ULK1: variants seen among roughly 807,000 people sequenced by gnomAD.
The protein encoded by ULK1 is unc-51 like autophagy activating kinase 1.
A neutral mutation model predicts 117.5 loss-of-function variants in ULK1; 48 were observed. The observed-to-expected ratio is 0.41, with a 90% CI of 0.32 to 0.52. The LOEUF (loss-of-function observed/expected upper bound fraction) is 0.52, where lower values mean the gene tolerates loss of function less well. Ranked by LOEUF, ULK1 falls within the 20% of genes least tolerant of loss-of-function variation. ULK1 has a pLI of 0.29. For missense variants in ULK1, 1,387 were observed against 1,473.4 expected (o/e 0.94, Z 0.96); for synonymous variants, 790 against 637.8 (o/e 1.24, Z -3.60).
At position 131,894,848 on chromosome 12, in the gene ULK1, C is replaced by G. The variant is rs1399550623; in HGVS notation, c.-154C>G. 6.0e-6 allele frequency: 1 copy of G among 167,276 alleles called. No individual in the cohort carries two copies. The allele number at this position is 167,276 out of a possible 1,614,324, so 10.4% of individuals were successfully genotyped here. A position where few individuals can be genotyped will look rare whatever the true frequency, so the allele number is the denominator to read the frequency against. ...GGCTGGGACCCGGCCCCGGCCTGCC[C>G]GATGGGGCGCGCGGCCCCGGAGATG... On this transcript the variant is annotated 5_prime_UTR_variant, in exon 1 of 28. Transcript: ENST00000321867.
chr12:131,916,855 C>G, intron 20 of ULK1, 98 bp from the exon 21 acceptor site: 1 of 1,167,854 alleles, frequency 8.6e-7, no homozygotes, highest in Non-Finnish European at 1.2e-6. Context: ...GGCCAGGAGA[C>G]CGTGCATCAT....
At chr12:131,908,284 T>A (rs1889361313) in intron 5 of ULK1, among the ~76,000 whole-genome samples, 1 of 151,798 alleles carries the variant, frequency 6.6e-6, no homozygotes, top group African/African-American at 2.4e-5. Context: ...GGGCTGCGGG[T>A]CGGGTCGGGC....
At chr12:131,917,128 A>AGGCTGTGGGATGGGGCTCGGG (rs1889849498) in intron 21 of ULK1, 66 bp downstream of exon 21, 1 of 874,230 alleles carries the variant, frequency 1.1e-6, no homozygotes, top group Non-Finnish European at 1.4e-6. Context: ...TGGGGGTCGG[A>AGGCTGTGGGATGGGGCTCGGG]GGCTGTGGGA....
In ULK1 at chr12:131,920,005, A is replaced by C; in HGVS notation, c.2830A>C (p.Lys944Gln). The change falls in exon 26 of 28, where the codon AAG becomes CAG. Residue 944 changes from lysine to glutamine, a missense_variant. Lys to Gln is a moderately conservative substitution (Grantham distance 53). Coordinates refer to ENST00000321867, the MANE Select transcript of ULK1 (RefSeq NM_003565.4). ...GGTGCGCAGGCTGAATGAGCTGTAC[A>C]AGGCCAGCGTGGTGTCCTGCCAGGG... ...QVVRRLNELY[K>Q]ASVVSCQGLS... is the part of the protein sequence containing the mutation. The C allele has an allele frequency of 6.2e-7, 1 of 1,612,816 alleles. No individual in the cohort carries two copies. The highest frequency in any genetic ancestry group is 8.5e-7 in the Non-Finnish European group (1 of 1,179,930).
intron 13 of ULK1, among the ~76,000 whole-genome samples, chr12:131,912,475 C>A (rs529891883): frequency 1.7e-4 from 26 of 152,348 alleles, no homozygotes; most frequent in African/African-American, 6.3e-4. Flanking sequence ...GGGGAACCCC[C>A]CGCTCCATAA....
In ULK1 at chr12:131,917,458, G is replaced by A. The variant is rs1463665281; in HGVS notation, c.2230G>A (p.Gly744Arg). The change falls in exon 22 of 28, where the codon GGG becomes AGG. Residue 744 changes from glycine to arginine, a missense_variant. Gly to Arg is a moderately radical substitution (Grantham distance 125). This residue lies in a region of ULK1 where 900 missense variants were observed against 858.9 expected (regional missense o/e 1.05). Coordinates refer to ENST00000321867, the MANE Select transcript of ULK1 (RefSeq NM_003565.4). ...GGSLHPGARA[G>R]GTSSPSPVVF... ...GAGCCTGCACCCAGGAGCCCGTGCT[G>A]GGGGCACCAGCAGCCCTTCCCCGGT... 2 of 1,531,566 alleles carry A rather than the reference G, an allele frequency of 1.3e-6. No individual in the cohort carries two copies. Among genetic ancestry groups the A allele is most frequent in the Admixed American group, 2.0e-5 (1 of 49,294 alleles). The allele number at this position is 1,531,566 out of a possible 1,614,324, so 94.9% of individuals were successfully genotyped here.
rs758703423 is a variant in ULK1, at chr12:131,909,181, C to T, written c.610C>T (p.Leu204=). The stretch of plus-strand genomic sequence containing the variant: ...CCAGCACTACGACGGGAAGGCGGAC[C>T]TGTGGAGCATCGGCACCATCGTCTA... ...MSQHYDGKAD[L]WSIGTIVYQC... is the part of the protein sequence containing the mutation. The change falls in exon 8 of 28, where the codon CTG becomes TTG. Residue 204 remains leucine, a synonymous_variant. Transcript: ENST00000321867. The T allele has an allele frequency of 1.4e-5, 22 of 1,610,296 alleles. No homozygotes were observed. The South Asian group carries it at 2.1e-4, about 15-fold the overall frequency.
intron 14 of ULK1, 66 bp downstream of exon 14, chr12:131,913,324 G>C: frequency 6.9e-7 from 1 of 1,443,056 alleles, no homozygotes; most frequent in Non-Finnish European, 9.2e-7. Flanking sequence ...AGTGGCCCGT[G>C]TTATTTACAA....
In ULK1 at chr12:131,920,124, C is replaced by T. The variant is rs753406496; in HGVS notation, c.2949C>T (p.His983=). Residue 983 remains histidine, a synonymous_variant, in exon 26 of 28, where the codon CAC becomes CAT. Transcript: ENST00000321867. ...SITAERLIFS[H]AVQMVQSAAL... is the part of the protein sequence containing the mutation. ...CTGCCGAGAGGCTCATCTTCAGCCA[C>T]GCTGTGCAGATGGTACGGGACAGAC... The T allele has an allele frequency of 2.4e-5, 39 of 1,612,642 alleles. 1 individual carries two copies. The highest frequency in any genetic ancestry group is 1.6e-4 in the Middle Eastern group (1 of 6,080).
chr12:131,911,835 C>T (rs1293495232), intron 12 of ULK1, 107 bp from the exon 13 acceptor site: 47 of 1,488,054 alleles, frequency 3.2e-5, no homozygotes, highest in Admixed American at 4.0e-5. Context: ...TCAGCCCCAG[C>T]GCCCCGATCT....
At position 131,911,972 on chromosome 12, in the gene ULK1, A is replaced by T. The variant is rs201179886; in HGVS notation, c.979A>T (p.Thr327Ser). Reference sequence around the variant, plus strand: ...GGGCGAGATGCAGCAGCTGCAGAAGACCCTGGCCTCCCCGGCTGACACCGC... The same window carrying T: ...GGGCGAGATGCAGCAGCTGCAGAAGTCCCTGGCCTCCCCGGCTGACACCGC... ...SLGEMQQLQK[T>S]LASPADTAGF... Residue 327 changes from threonine (T) to serine (S), a missense_variant, in exon 13 of 28, where the codon ACC becomes TCC. Physicochemically the swap from Thr to Ser is moderately conservative, Grantham distance 58. Around this residue, in one of 4 missense-constraint regions of ULK1, gnomAD observed 260 missense variants for 271.6 expected, o/e 0.96. Coordinates refer to ENST00000321867, the MANE Select transcript of ULK1 (RefSeq NM_003565.4). 2.0e-5 allele frequency: 32 copies of T among 1,612,636 alleles called. No homozygotes were observed. The East Asian group carries it at 6.9e-4, about 35-fold the overall frequency.
intron 8 of ULK1, 43 bp downstream of exon 8, chr12:131,909,280 C>T: frequency 6.6e-7 from 1 of 1,517,630 alleles, no homozygotes; most frequent in East Asian, 2.5e-5. Context: ...ACCGTCAGTG[C>T]AAGTGTCCGC....
Position 131,913,064 on chromosome 12 carries a change from C to CGGGG in ULK1, c.1097-133_1097-132insGGGG, listed in dbSNP as rs1301457529. 9 of 793,458 alleles carry CGGGG rather than the reference C, an allele frequency of 1.1e-5. No individual in the cohort carries two copies. The Admixed American group carries it at 2.0e-4, about 18-fold the overall frequency. 49.2% of individuals were successfully genotyped at this position (793,458 alleles called of 1,614,324 possible). A position where few individuals can be genotyped will look rare whatever the true frequency, so the allele number is the denominator to read the frequency against. ...ACTGTACCACCCAGGCTCTGCCCCCCGCAAGGCCGCTGTACGAGCTGAGGC... is the reference window on the plus strand; with the variant it reads ...ACTGTACCACCCAGGCTCTGCCCCCCGGGGGCAAGGCCGCTGTACGAGCTGAGGC... On this transcript the variant is annotated intron_variant, in intron 13 of 27. Coordinates refer to ENST00000321867, the MANE Select transcript of ULK1 (RefSeq NM_003565.4).
chr12:131,914,963 G>A (rs1294088234), intron 16 of ULK1, 120 bp from the exon 17 acceptor site: 3 of 1,412,276 alleles, frequency 2.1e-6, no homozygotes, highest in Non-Finnish European at 1.9e-6. Flanking sequence ...GGCGTGGCAT[G>A]GGGTCCTGGG....
intron 8 of ULK1, 105 bp downstream of exon 8, chr12:131,909,342 C>T (rs1039269190): frequency 1.0e-5 from 13 of 1,294,372 alleles, no homozygotes; most frequent in Non-Finnish European, 1.2e-5. Context: ...CACGAGCTCC[C>T]CTCGGGTCCT....
intron 8 of ULK1, 144 bp downstream of exon 8, chr12:131,909,381 A>G: frequency 1.0e-6 from 1 of 969,920 alleles, no homozygotes; most frequent in Non-Finnish European, 1.5e-6. Flanking sequence ...CCAGGGGTCC[A>G]GTGGGGAAGG....
rs764071519 is a variant in ULK1, at chr12:131,895,655, T to C, written c.166T>C (p.Ser56Pro). The change falls in exon 2 of 28, where the codon TCT becomes CCT. Residue 56 changes from serine to proline, a missense_variant. Physicochemically the swap from Ser to Pro is moderately conservative, Grantham distance 74. Around this residue, in one of 4 missense-constraint regions of ULK1, gnomAD observed 224 missense variants for 325.2 expected, o/e 0.69. Coordinates refer to ENST00000321867, the MANE Select transcript of ULK1 (RefSeq NM_003565.4). ...CATTAACAAGAAGAACCTCGCCAAG[T>C]CTCAGACGCTGCTGGGGAAGGAAAT... ...KCINKKNLAK[S>P]QTLLGKEIKI... The C allele has an allele frequency of 5.0e-6, 8 of 1,614,022 alleles. No individual in the cohort carries two copies. The highest frequency in any genetic ancestry group is 6.8e-6 in the Non-Finnish European group (8 of 1,179,974).
intron 3 of ULK1, among the ~76,000 whole-genome samples, chr12:131,900,883 C>T (rs1889057907): frequency 6.6e-6 from 1 of 152,140 alleles, no homozygotes; most frequent in East Asian, 1.9e-4. Flanking sequence ...CCAGGCCTGG[C>T]CTGGTCTGGC....
At position 131,909,947 on chromosome 12, in the gene ULK1, C is replaced by G; in HGVS notation, c.754C>G (p.Arg252Gly). 6.2e-7 allele frequency: 1 copy of G among 1,611,980 alleles called. No individual in the cohort carries two copies. The highest frequency in any genetic ancestry group is 1.1e-5 in the South Asian group (1 of 91,076). Residue 252 changes from arginine to glycine, a missense_variant, in exon 10 of 28, where the codon CGG (arginine) becomes GGG (glycine). Transcript: ENST00000321867. ...TIPRETSAPL[R>G]QLLLALLQRN... The stretch of plus-strand genomic sequence containing the variant: ...CCCCCGGGAGACCTCGGCCCCGCTG[C>G]GGCAGCTGCTCCTGGCCCTACTGCA...
Sources: allele counts gnomAD v4.1 joint callset (sites outside exome capture counted in the v4.1 genomes callset), GRCh38; gene constraint gnomAD v4.1.1; regional missense constraint gnomAD v4.1.1; transcripts MANE v1.5; gene names NCBI Gene and HGNC (gene_info 2026-07-23, HGNC 2026-07-21).